Variants in EBI3 observed in about 807,000 individuals in gnomAD.
EBI3 encodes interleukin-27 subunit beta.
EBI3 carries 19 observed loss-of-function variants against 21.3 expected under a neutral mutation model. The observed-to-expected ratio is 0.89, with a 90% confidence interval of 0.62 to 1.31. The LOEUF is 1.31. Among genes scored for constraint, EBI3 ranks in the 50% most tolerant of loss-of-function variants. The probability of loss-of-function intolerance (pLI) is 0.00; values close to 1 mark genes in which losing one functional copy is unlikely to be tolerated. For missense variants in EBI3, 331 were observed against 314.0 expected (o/e 1.05, Z -0.41); for synonymous variants, 154 against 131.2 (o/e 1.17, Z -1.19).
At chr19:4,233,736 T>C (rs2144676782) in intron 3 of EBI3, among the ~76,000 whole-genome samples, 1 of 152,316 alleles carries the variant, frequency 6.6e-6, no homozygotes, top group South Asian at 2.1e-4. Context: ...CACATGTGAT[T>C]CCTTGATGTT....
At chr19:4,231,782 A>AC (rs1970785756) in intron 2 of EBI3, among the ~76,000 whole-genome samples, 1 of 147,792 alleles carries the variant, frequency 6.8e-6, no homozygotes, top group Non-Finnish European at 1.5e-5. Context: ...AAAAAAAAAA[A>AC]AAAAAACTAC....
rs757474814 is a variant in EBI3 at position 4,231,278 on chromosome 19, C to T, written c.155C>T (p.Pro52Leu). ...IAVDCSWTLP[P>L]APNSTSPVSF... ...GTGGATTGCTCCTGGACCCTGCCGCCTGCTCCAAACTCCACCAGCCCCGTG... is the reference window on the plus strand; with the variant it reads ...GTGGATTGCTCCTGGACCCTGCCGCTTGCTCCAAACTCCACCAGCCCCGTG... Residue 52 changes from proline (P) to leucine (L), a missense_variant, in exon 2 of 5, where the codon CCT becomes CTT. Coordinates refer to ENST00000221847, the MANE Select transcript of EBI3 (RefSeq NM_005755.3). 6 of 1,613,152 alleles carry T rather than the reference C, an allele frequency of 3.7e-6. No individual in the cohort carries two copies. In the Admixed American group the frequency reaches 6.7e-5, roughly 18 times the overall value.
intron 3 of EBI3, among the ~76,000 whole-genome samples, chr19:4,233,669 T>G (rs916270480): frequency 6.6e-6 from 1 of 152,154 alleles, no homozygotes; most frequent in Non-Finnish European, 1.5e-5. Flanking sequence ...CAACCTGCCC[T>G]GTCTCCTCCA....
intron 2 of EBI3, among the ~76,000 whole-genome samples, chr19:4,232,830 A>G (rs1358924315): frequency 7.0e-6 from 1 of 143,362 alleles, no homozygotes; most frequent in Non-Finnish European, 1.5e-5. Flanking sequence ...GAATGAATGA[A>G]TGAATGGATG....
chr19:4,229,885 A>C (rs1307034568), intron 1 of EBI3, among the ~76,000 whole-genome samples: 1 of 152,104 alleles, frequency 6.6e-6, no homozygotes, highest in Non-Finnish European at 1.5e-5. Context: ...AGCTACACAG[A>C]CATGCGAATT....
At position 4,231,199 on chromosome 19, in the gene EBI3, G is replaced by A. The variant is rs1431138892; in HGVS notation, c.76G>A (p.Ala26Thr). 1.7e-5 allele frequency: 27 copies of A among 1,591,016 alleles called. No homozygotes were observed. The highest frequency in any genetic ancestry group is 2.3e-5 in the Non-Finnish European group (27 of 1,170,442). ...TTTCTGTCTTCCTCCAGGGCCCCCA[G>A]CAGCTCTGACACTGCCCCGGGTGCA... ...PPCSGRKGPPAALTLPRVQCR... is the reference protein window; with the variant it reads ...PPCSGRKGPPTALTLPRVQCR... The change falls in exon 2 of 5, where the codon GCA becomes ACA. Residue 26 changes from alanine to threonine, a missense_variant. Ala to Thr is a moderately conservative substitution (Grantham distance 58). Transcript: ENST00000221847.
rs545009481 is a variant in EBI3 at position 4,233,024 on chromosome 19, C to T, written c.201-105C>T. On this transcript the variant is annotated intron_variant, in intron 2 of 4. Coordinates refer to ENST00000221847, the MANE Select transcript of EBI3 (RefSeq NM_005755.3). ...CCCCGGGATCCCCATCCGCTGCCCC[C>T]TCCTGTTCCTGCCTCTCCTTGGGGT... The T allele has an allele frequency of 1.0e-3, 1,322 of 1,325,098 alleles. 23 individuals are homozygous for T. In the South Asian group the frequency reaches 0.017, roughly 17 times the overall value. 82.1% of individuals were successfully genotyped at this position (1,325,098 alleles called of 1,614,324 possible). A position where few individuals can be genotyped will look rare whatever the true frequency, so the allele number is the denominator to read the frequency against.
chr19:4,234,798 C>A lies in EBI3; in HGVS notation c.511C>A (p.Arg171Ser). 2 of 1,614,072 alleles carry A rather than the reference C, an allele frequency of 1.2e-6. No homozygotes were observed. Among genetic ancestry groups the A allele is most frequent in the South Asian group, 1.1e-5 (1 of 91,084 alleles). Residue 171 changes from arginine to serine, a missense_variant, in exon 4 of 5, where the codon CGT becomes AGT. Physicochemically the swap from Arg to Ser is moderately radical, Grantham distance 110. Transcript: ENST00000221847. ...ACTGAAGTACTGGATCCGTTACAAG[C>A]GTCAGGGAGCTGCGCGCTTCCACCG... is the stretch of plus-strand genomic sequence containing the variant. ...FSLKYWIRYK[R>S]QGAARFHRVG...
At chr19:4,232,620 A>T (rs912064866) in intron 2 of EBI3, among the ~76,000 whole-genome samples, 2 of 151,340 alleles carry the variant, frequency 1.3e-5, no homozygotes, top group Admixed American at 1.3e-4. Context: ...ACCGCTCTGG[A>T]GGCTGAGACA....
chr19:4,236,797 G>A, intron 4 of EBI3, 139 bp from the exon 5 acceptor site: 1 of 1,015,488 alleles, frequency 9.8e-7, no homozygotes, highest in Non-Finnish European at 1.3e-6. Flanking sequence ...TTGGGGTGGG[G>A]CCGCACAGCT....
At chr19:4,232,816 G>A (rs915336614) in intron 2 of EBI3, among the ~76,000 whole-genome samples, 1 of 132,112 alleles carries the variant, frequency 7.6e-6, no homozygotes, top group East Asian at 3.0e-4. Flanking sequence ...ATGAATGAAC[G>A]GATGAATGAA....
intron 3 of EBI3, among the ~76,000 whole-genome samples, chr19:4,233,596 C>T (rs2144676696): frequency 6.6e-6 from 1 of 152,288 alleles, no homozygotes; most frequent in African/African-American, 2.4e-5. Flanking sequence ...TACAGCCCTC[C>T]ATGGCTCCCA....
intron 3 of EBI3, among the ~76,000 whole-genome samples, chr19:4,234,191 G>A (rs1283178810): frequency 6.6e-6 from 1 of 152,194 alleles, no homozygotes; most frequent in Non-Finnish European, 1.5e-5. Flanking sequence ...GGGCGAGAGA[G>A]CGAGACTCTA....
intron 2 of EBI3, 82 bp from the exon 3 acceptor site, chr19:4,233,047 G>C: frequency 7.2e-7 from 1 of 1,390,210 alleles, no homozygotes; most frequent in Non-Finnish European, 9.3e-7. Context: ...CTCTCCTTGG[G>C]GTCCCGGGTC....
intron 2 of EBI3, 135 bp from the exon 3 acceptor site, chr19:4,232,994 C>T (rs1970803598): frequency 1.9e-6 from 2 of 1,065,434 alleles, no homozygotes; most frequent in Admixed American, 6.8e-5. Flanking sequence ...ACCACCAGGA[C>T]CCCACCCCGG....
rs146774568 is a variant in EBI3, at chr19:4,234,674, C to T, written c.387C>T (p.Pro129=). The part of the protein sequence containing the change: ...VPFITEHIIK[P]DPPEGVRLSP... ...TTCCTGCTTGTCCGTCAGTCAAGCC[C>T]GACCCTCCAGAAGGCGTGCGCCTAA... The change falls in exon 4 of 5, where the codon CCC becomes CCT. Residue 129 remains proline, a synonymous_variant. Transcript: ENST00000221847. 8.4e-4 allele frequency: 1,352 copies of T among 1,612,740 alleles called. 20 individuals carry two copies. The South Asian group carries it at 0.012, about 14-fold the overall frequency.
At chr19:4,229,768 A>G (rs393387) in intron 1 of EBI3, 151 bp downstream of exon 1, 8,058 of 794,582 alleles carry the variant, frequency 0.01, 128 homozygotes, top group African/African-American at 0.057. Flanking sequence ...GGAGGAACTG[A>G]GGCACAGAGA....
At chr19:4,234,594 GTTGAATGAATGA>G in intron 3 of EBI3, 61 bp from the exon 4 acceptor site, 1 of 1,553,156 alleles carries the variant, frequency 6.4e-7, no homozygotes, top group Non-Finnish European at 8.7e-7. Flanking sequence ...TAATATGTTG[GTTGAATGAATGA>G]GTGAATGAAT....
Position 4,231,196 on chromosome 19 carries a change from C to G in EBI3, c.73C>G (p.Pro25Ala). 6.3e-7 allele frequency: 1 copy of G among 1,587,704 alleles called. No homozygotes were observed. Among genetic ancestry groups the G allele is most frequent in the Non-Finnish European group, 8.6e-7 (1 of 1,168,700 alleles). The change falls in exon 2 of 5, where the codon CCA (proline) becomes GCA (alanine). Residue 25 changes from proline to alanine, a missense_variant. Transcript: ENST00000221847. ...CTCTTTCTGTCTTCCTCCAGGGCCC[C>G]CAGCAGCTCTGACACTGCCCCGGGT... Reference protein sequence around the residue: ...CPPCSGRKGPPAALTLPRVQC... With the variant: ...CPPCSGRKGPAAALTLPRVQC...
Sources: allele counts gnomAD v4.1 joint callset (sites outside exome capture counted in the v4.1 genomes callset), GRCh38; gene constraint gnomAD v4.1.1; transcripts MANE v1.5; gene names NCBI Gene and HGNC (gene_info 2026-07-23, HGNC 2026-07-21).